ABL2: variants seen among roughly 807,000 people sequenced by gnomAD.
The protein encoded by ABL2 is ABL proto-oncogene 2, non-receptor tyrosine kinase, also known as tyrosine-protein kinase ABL2.
ABL2 carries 49 observed loss-of-function variants against 107.7 expected under a neutral mutation model. That is an observed-to-expected ratio of 0.45 (90% CI 0.36 to 0.58). ABL2 has a LOEUF of 0.58. Ranked by LOEUF, ABL2 falls within the 20% of genes least tolerant of loss-of-function variation. ABL2 has a pLI of 0.00. For synonymous variants in ABL2, 549 were observed against 548.6 expected (o/e 1.00, Z -0.01); for missense variants, 1,245 against 1,457.0 (o/e 0.85, Z 2.37).
intron 10 of ABL2, among the ~76,000 whole-genome samples, chr1:179,112,100 T>C (rs1654141441): frequency 6.6e-6 from 1 of 152,152 alleles, no homozygotes; most frequent in Non-Finnish European, 1.5e-5. Context: ...TATATGGTTG[T>C]AATAATTTAC....
intron 3 of ABL2, among the ~76,000 whole-genome samples, chr1:179,127,960 G>A (rs868603240): frequency 7.9e-5 from 12 of 151,672 alleles, no homozygotes; most frequent in South Asian, 6.2e-4. Flanking sequence ...GCTTGAACCC[G>A]GGAGGCTGAG....
At chr1:179,156,356 A>T (rs774354209) in intron 1 of ABL2, among the ~76,000 whole-genome samples, 1 of 152,238 alleles carries the variant, frequency 6.6e-6, no homozygotes, top group Non-Finnish European at 1.5e-5. Flanking sequence ...CTCCATATAG[A>T]ATGTGTTAGA....
At chr1:179,142,681 AG>A (rs1489774604) in intron 1 of ABL2, among the ~76,000 whole-genome samples, 1 of 152,202 alleles carries the variant, frequency 6.6e-6, no homozygotes, top group Non-Finnish European at 1.5e-5. Context: ...TTTTCAATAT[AG>A]CTTAAGTTCT....
chr1:179,192,830 T>C (rs1272159200), intron 1 of ABL2, among the ~76,000 whole-genome samples: 1 of 152,240 alleles, frequency 6.6e-6, no homozygotes, highest in African/African-American at 2.4e-5. Context: ...CTGAATTATT[T>C]TCTTAAAATT....
intron 1 of ABL2, among the ~76,000 whole-genome samples, chr1:179,133,979 G>T (rs554694959): frequency 6.6e-6 from 1 of 152,236 alleles, no homozygotes; most frequent in South Asian, 2.1e-4. Context: ...GATAATGGGG[G>T]CTACTGCACC....
rs991746395 is a variant in ABL2, at chr1:179,104,671, C to G, written c.*3047G>C. 80 of 208,772 alleles carry G rather than the reference C, an allele frequency of 3.8e-4. No individual in the cohort carries two copies. The highest frequency in any genetic ancestry group is 6.4e-4 in the Non-Finnish European group (66 of 102,806). The allele number at this position is 208,772 out of a possible 1,614,324, so 12.9% of individuals were successfully genotyped here. A position where few individuals can be genotyped will look rare whatever the true frequency, so the allele number is the denominator to read the frequency against. Reference sequence around the variant, plus strand: ...TTAAGAAAATACTTTAGGTAAAGCACAATCAAGATGTATTCAACACAAATC... The same window carrying G: ...TTAAGAAAATACTTTAGGTAAAGCAGAATCAAGATGTATTCAACACAAATC... On this transcript the variant is annotated 3_prime_UTR_variant, in exon 12 of 12. Coordinates refer to ENST00000502732, the MANE Select transcript of ABL2 (RefSeq NM_007314.4).
At chr1:179,218,386 C>G (rs1009297600) in intron 1 of ABL2, among the ~76,000 whole-genome samples, 8 of 149,742 alleles carry the variant, frequency 5.3e-5, no homozygotes, top group African/African-American at 2.0e-4. Context: ...TCAATCACCT[C>G]TGATCAAGTA....
rs377384452 is a variant in ABL2, at chr1:179,217,717, G to A, written c.157+11524C>T. Among the ~76,000 whole-genome samples, 11 of 152,068 alleles carry A rather than the reference G, an allele frequency of 7.2e-5. No individual in the cohort carries two copies. In the East Asian group the frequency reaches 1.7e-3, roughly 24 times the overall value. On this transcript the variant is annotated intron_variant, in intron 1 of 11. Transcript: ENST00000502732. ...ATTACCATGAGATTCCAAATGGTATGGTGAGTTCCCACCTCTCCTTCATTA... is the reference window on the plus strand; with the variant it reads ...ATTACCATGAGATTCCAAATGGTATAGTGAGTTCCCACCTCTCCTTCATTA...
intron 1 of ABL2, chr1:179,221,930 T>A (rs772194942): frequency 1.3e-5 from 3 of 235,070 alleles, no homozygotes; most frequent in African/African-American, 2.3e-5. Context: ...GTAAAACCCA[T>A]GATGTTTATG....
At chr1:179,175,945 T>A (rs1042858176) in intron 1 of ABL2, among the ~76,000 whole-genome samples, 6 of 151,294 alleles carry the variant, frequency 4.0e-5, no homozygotes, top group Admixed American at 2.6e-4. Context: ...AACCTCTGTC[T>A]CCCGGGCTCA....
chr1:179,110,416 G>C lies in ABL2; in HGVS notation c.1691C>G (p.Ser564Cys), dbSNP rs1156297890. The C allele has an allele frequency of 1.9e-6, 3 of 1,614,072 alleles. No homozygotes were observed. In the Admixed American group the frequency reaches 5.0e-5, roughly 27 times the overall value. Reference sequence around the variant, plus strand: ...TAGCCGGGGCAGGTATGGAACAACAGATGACGAGGAGGCGGCTCTCCCAAG... The same window carrying C: ...TAGCCGGGGCAGGTATGGAACAACACATGACGAGGAGGCGGCTCTCCCAAG... ...EELGRAASSS[S>C]VVPYLPRLPI... is the part of the protein sequence containing the mutation. Residue 564 changes from serine (S) to cysteine (C), a missense_variant, in exon 11 of 12, where the codon TCT becomes TGT. Around this residue, in one of 3 missense-constraint regions of ABL2, gnomAD observed 761 missense variants for 766.4 expected, o/e 0.99. Transcript: ENST00000502732.
In ABL2 at chr1:179,103,977, T is replaced by C. The variant is rs1653310868; in HGVS notation, c.*3741A>G. The C allele has an allele frequency of 4.3e-6, 1 of 233,408 alleles. No individual in the cohort carries two copies. The allele number at this position is 233,408 out of a possible 1,614,324, so 14.5% of individuals were successfully genotyped here. A position where few individuals can be genotyped will look rare whatever the true frequency, so the allele number is the denominator to read the frequency against. ...AACACCTGGCGAGATTACTGGAGAA[T>C]ACACTGGCCGAGACCCCAGCCCACT... is the stretch of plus-strand genomic sequence containing the variant. On this transcript the variant is annotated 3_prime_UTR_variant, in exon 12 of 12. Coordinates refer to ENST00000502732, the MANE Select transcript of ABL2 (RefSeq NM_007314.4).
At chr1:179,213,153 T>TGTCTA (rs1237408548) in intron 1 of ABL2, among the ~76,000 whole-genome samples, 2 of 150,666 alleles carry the variant, frequency 1.3e-5, no homozygotes, top group Admixed American at 6.6e-5. Flanking sequence ...TTTATATATA[T>TGTCTA]GTCTATCTAA....
rs1245145074 is a variant in ABL2, at chr1:179,101,475, C to G, written c.*6243G>C. 1 of 176,436 alleles carries G rather than the reference C, an allele frequency of 5.7e-6. No homozygotes were observed. Among genetic ancestry groups the G allele is most frequent in the African/African-American group, 2.4e-5 (1 of 42,018 alleles). The allele number at this position is 176,436 out of a possible 1,614,324, so 10.9% of individuals were successfully genotyped here. A position where few individuals can be genotyped will look rare whatever the true frequency, so the allele number is the denominator to read the frequency against. On this transcript the variant is annotated 3_prime_UTR_variant, in exon 12 of 12. Transcript: ENST00000502732. Reference sequence around the variant, plus strand: ...CACTGCAACCTCCGCCTCCTGGGTTCAAGCAATTCTGCCTCAGCCTCGGGA... The same window carrying G: ...CACTGCAACCTCCGCCTCCTGGGTTGAAGCAATTCTGCCTCAGCCTCGGGA...
chr1:179,215,419 C>G (rs1014355689), intron 1 of ABL2, among the ~76,000 whole-genome samples: 4 of 151,950 alleles, frequency 2.6e-5, no homozygotes, highest in Admixed American at 6.6e-5. Context: ...CTTGAGATAC[C>G]TTTGTATATT....
intron 1 of ABL2, among the ~76,000 whole-genome samples, chr1:179,208,867 T>G (rs1662118737): frequency 6.6e-6 from 1 of 152,210 alleles, no homozygotes; most frequent in African/African-American, 2.4e-5. Flanking sequence ...AAAACTGTTT[T>G]CATCATTTAT....
intron 1 of ABL2, among the ~76,000 whole-genome samples, chr1:179,222,794 A>G (rs1202617682): frequency 1.3e-5 from 2 of 151,724 alleles, no homozygotes; most frequent in East Asian, 3.9e-4. Context: ...TATTTAAAAT[A>G]CCTTTAAAAT....
chr1:179,198,965 C>A (rs891131010), intron 1 of ABL2, among the ~76,000 whole-genome samples: 2 of 151,722 alleles, frequency 1.3e-5, no homozygotes, highest in Admixed American at 6.6e-5. Flanking sequence ...CCTCAGCCCC[C>A]CTAGTAGCTG....
At chr1:179,155,309 A>C (rs1658617481) in intron 1 of ABL2, among the ~76,000 whole-genome samples, 1 of 152,260 alleles carries the variant, frequency 6.6e-6, no homozygotes, top group South Asian at 2.1e-4. Context: ...AACGATATGC[A>C]TGTGCTTACC....
Sources: allele counts gnomAD v4.1 joint callset (sites outside exome capture counted in the v4.1 genomes callset), GRCh38; gene constraint gnomAD v4.1.1; regional missense constraint gnomAD v4.1.1; transcripts MANE v1.5; gene names NCBI Gene and HGNC (gene_info 2026-07-23, HGNC 2026-07-21).